CNDP1: variants seen among roughly 807,000 people sequenced by gnomAD.
The protein encoded by CNDP1 is beta-Ala-His dipeptidase.
CNDP1 carries 44 observed loss-of-function variants against 58.1 expected under a neutral mutation model. The observed-to-expected ratio is 0.76, with a 90% CI of 0.60 to 0.97. CNDP1 has a LOEUF of 0.97. CNDP1 is among the 50% of genes least tolerant of loss of function. CNDP1 has a pLI of 0.00. For missense variants in CNDP1, 616 were observed against 655.1 expected (o/e 0.94, Z 0.65); for synonymous variants, 254 against 252.6 (o/e 1.01, Z -0.05).
chr18:74,534,512 C>G lies in CNDP1; in HGVS notation c.-156C>G, dbSNP rs563863363. The G allele has an allele frequency of 4.2e-6, 3 of 711,654 alleles. No individual in the cohort carries two copies. The East Asian group carries it at 8.0e-5, about 19-fold the overall frequency. The allele number at this position is 711,654 out of a possible 1,614,324, so 44.1% of individuals were successfully genotyped here. Reference sequence around the variant, plus strand: ...CGCTTTGTTCTCCAGATGTGAATAGCTCCACTATACCAGCCTCGTCTTCCT... The same window carrying G: ...CGCTTTGTTCTCCAGATGTGAATAGGTCCACTATACCAGCCTCGTCTTCCT... On this transcript the variant is annotated 5_prime_UTR_variant, in exon 1 of 12. Transcript: ENST00000358821.
At chr18:74,564,822 A>C (rs1981286957) in intron 5 of CNDP1, among the ~76,000 whole-genome samples, 1 of 152,250 alleles carries the variant, frequency 6.6e-6, no homozygotes, top group Non-Finnish European at 1.5e-5. Flanking sequence ...TTGCTGTAAC[A>C]GAACTGTGGG....
intron 9 of CNDP1, among the ~76,000 whole-genome samples, chr18:74,579,479 CA>C (rs1981733300): frequency 6.6e-6 from 1 of 151,898 alleles, no homozygotes; most frequent in Non-Finnish European, 1.5e-5. Flanking sequence ...GTCTTGTTCA[CA>C]GCTGTATCCG....
At chr18:74,556,573 T>C in intron 2 of CNDP1, 107 bp downstream of exon 2, 2 of 1,345,858 alleles carry the variant, frequency 1.5e-6, no homozygotes, top group Non-Finnish European at 2.1e-6. Context: ...TTTGCCTAAT[T>C]CCATTTAAAA....
chr18:74,560,351 A>G (rs1981157674), intron 3 of CNDP1, among the ~76,000 whole-genome samples: 2 of 152,292 alleles, frequency 1.3e-5, no homozygotes, highest in South Asian at 4.1e-4. Context: ...TCAGCTAATG[A>G]TGCTAATTGT....
Position 74,580,257 on chromosome 18 carries a change from G to A in CNDP1, c.1295G>A (p.Arg432Lys). The A allele has an allele frequency of 6.2e-7, 1 of 1,614,158 alleles. No homozygotes were observed. The highest frequency in any genetic ancestry group is 1.1e-5 in the South Asian group (1 of 91,080). ...IDDTQYLAAK[R>K]AIRTVFGTEP... The stretch of plus-strand genomic sequence containing the variant: ...GACACCCAGTATCTCGCAGCAAAAA[G>A]AGCGATCAGAACAGGTGGGACCTTA... The change falls in exon 10 of 12, where the codon AGA becomes AAA. Residue 432 changes from arginine (R) to lysine (K), a missense_variant. Arg to Lys is a conservative substitution (Grantham distance 26). Coordinates refer to ENST00000358821, the MANE Select transcript of CNDP1 (RefSeq NM_032649.6).
intron 4 of CNDP1, 53 bp from the exon 5 acceptor site, chr18:74,561,994 C>T (rs377276019): frequency 3.4e-6 from 5 of 1,486,248 alleles, no homozygotes; most frequent in Non-Finnish European, 4.7e-6. Context: ...GTTTTTAACT[C>T]ACATGGCAGA....
At chr18:74,551,514 A>G (rs76823649) in intron 1 of CNDP1, among the ~76,000 whole-genome samples, 6 of 152,074 alleles carry the variant, frequency 3.9e-5, no homozygotes, top group Non-Finnish European at 8.8e-5. Flanking sequence ...CAGCAAATTG[A>G]CTATAGCAGG....
intron 1 of CNDP1, among the ~76,000 whole-genome samples, chr18:74,547,030 G>A (rs185157383): frequency 6.6e-6 from 1 of 152,180 alleles, no homozygotes; most frequent in Non-Finnish European, 1.5e-5. Context: ...CCACGCCCTT[G>A]CTGACTCCTC....
Position 74,570,234 on chromosome 18 carries a change from T to TAAA in CNDP1, c.757-951_757-949dup, listed in dbSNP as rs1226449914. The stretch of plus-strand genomic sequence containing the variant: ...TAATAATAATTAATAATAATAATAA[T>TAAA]AAATAATTAAAAAAAAAGAAAAGAA... On this transcript the variant is annotated intron_variant, in intron 6 of 11. Coordinates refer to ENST00000358821, the MANE Select transcript of CNDP1 (RefSeq NM_032649.6). Among the ~76,000 whole-genome samples the TAAA allele has an allele frequency of 4.1e-3, 341 of 83,804 alleles. 3 individuals are homozygous for TAAA. The highest frequency in any genetic ancestry group is 0.029 in the South Asian group (77 of 2,624). The allele number at this position is 83,804 out of a possible 152,430, so 55.0% of individuals were successfully genotyped here.
intron 1 of CNDP1, among the ~76,000 whole-genome samples, chr18:74,541,777 C>T (rs1980630839): frequency 6.6e-6 from 1 of 152,138 alleles, no homozygotes; most frequent in African/African-American, 2.4e-5. Flanking sequence ...CCCAGTGTTC[C>T]AATTCTCAAT....
intron 2 of CNDP1, among the ~76,000 whole-genome samples, chr18:74,556,676 G>A (rs972238473): frequency 6.6e-6 from 1 of 152,182 alleles, no homozygotes; most frequent in Non-Finnish European, 1.5e-5. Flanking sequence ...AAAGGGCACT[G>A]GGTCTTCATA....
chr18:74,552,976 T>C (rs1980947460), intron 1 of CNDP1, among the ~76,000 whole-genome samples: 2 of 152,252 alleles, frequency 1.3e-5, no homozygotes, highest in Admixed American at 1.3e-4. Context: ...CTAGCCATCA[T>C]AGAGGGTAGG....
chr18:74,548,077 C>T (rs1188962832), intron 1 of CNDP1, among the ~76,000 whole-genome samples: 1 of 152,206 alleles, frequency 6.6e-6, no homozygotes, highest in Admixed American at 6.5e-5. Flanking sequence ...CTAACCCCAG[C>T]CCCCGCAAGC....
chr18:74,583,939 C>A, intron 11 of CNDP1: 1 of 522,134 alleles, frequency 1.9e-6, no homozygotes. Flanking sequence ...GCCGTCCCTG[C>A]GATGGTGGGG....
chr18:74,580,138 A>G lies in CNDP1; in HGVS notation c.1176A>G (p.Arg392=), dbSNP rs775093814. 1.1e-5 allele frequency: 18 copies of G among 1,613,080 alleles called. No individual in the cohort carries two copies. Among genetic ancestry groups the G allele is most frequent in the Non-Finnish European group, 1.5e-5 (18 of 1,179,470 alleles). The part of the protein sequence containing the change: ...NVSAVEKQVT[R]HLEDVFSKRN... Reference sequence around the variant, plus strand: ...AAAATGTCACCTTTTAGGTGACACGACATCTTGAAGATGTGTTCTCCAAAA... The same window carrying G: ...AAAATGTCACCTTTTAGGTGACACGGCATCTTGAAGATGTGTTCTCCAAAA... The change falls in exon 10 of 12, where the codon CGA becomes CGG. Residue 392 remains arginine, a synonymous_variant. Transcript: ENST00000358821.
At chr18:74,568,277 G>A (rs1256413429) in intron 6 of CNDP1, among the ~76,000 whole-genome samples, 2 of 152,212 alleles carry the variant, frequency 1.3e-5, no homozygotes, top group Non-Finnish European at 2.9e-5. Context: ...GTGAAAAACA[G>A]TGAGTGCCTT....
At chr18:74,559,025 C>T (rs570214948) in intron 2 of CNDP1, among the ~76,000 whole-genome samples, 2 of 152,248 alleles carry the variant, frequency 1.3e-5, no homozygotes, top group East Asian at 1.9e-4. Flanking sequence ...GACTTGCCCT[C>T]CTGTACAGCC....
At chr18:74,546,683 C>T (rs1339908595) in intron 1 of CNDP1, among the ~76,000 whole-genome samples, 1 of 152,218 alleles carries the variant, frequency 6.6e-6, no homozygotes, top group African/African-American at 2.4e-5. Flanking sequence ...GAAACACCCA[C>T]CCCGTGACTG....
At chr18:74,572,150 T>C (rs1390551284) in intron 7 of CNDP1, among the ~76,000 whole-genome samples, 2 of 151,986 alleles carry the variant, frequency 1.3e-5, no homozygotes, top group East Asian at 3.9e-4. Context: ...CGCCGACGAG[T>C]TCCCCGATTG....
Sources: allele counts gnomAD v4.1 joint callset (sites outside exome capture counted in the v4.1 genomes callset), GRCh38; gene constraint gnomAD v4.1.1; transcripts MANE v1.5; gene names NCBI Gene and HGNC (gene_info 2026-07-23, HGNC 2026-07-21).